Variants in INSL6 observed in about 807,000 individuals in gnomAD.
The protein encoded by INSL6 is insulin like 6.
INSL6 carries 16 observed loss-of-function variants against 9.4 expected under a neutral mutation model. The observed-to-expected ratio is 1.70, with a 90% confidence interval of 1.15 to 2.59. The LOEUF is 2.59. INSL6 is among the 30% of genes most tolerant of loss of function. The pLI, the probability that INSL6 is intolerant of heterozygous loss-of-function variation, is 0.00. For synonymous variants in INSL6, 154 were observed against 96.9 expected (o/e 1.59, Z -3.46); for missense variants, 391 against 257.3 (o/e 1.52, Z -3.56).
the INSL6 span, chr9:5,089,831 T>G: frequency 1.3e-6 from 2 of 1,584,858 alleles, no homozygotes; most frequent in Non-Finnish European, 1.7e-6. Context: ...CATGACAACA[T>G]TGTAAAGTAC....
chr9:4,993,714 G>C, the INSL6 span, among the ~76,000 whole-genome samples: 27 of 152,270 alleles, frequency 1.8e-4, 1 homozygote, highest in East Asian at 4.4e-3. Context: ...TTACATGTGT[G>C]AACACAAAGG....
At chr9:5,098,431 A>G in the INSL6 span, 1 of 152,112 alleles carries the variant, frequency 6.6e-6, no homozygotes, top group East Asian at 1.9e-4. Context: ...TCTTATAATT[A>G]TTTTCCTAAT....
At chr9:5,080,176 G>A in the INSL6 span, 2 of 1,312,530 alleles carry the variant, frequency 1.5e-6, no homozygotes, top group South Asian at 1.5e-5. Context: ...ACATATAAAA[G>A]ATTGGTTTAC....
chr9:5,118,123 T>G, the INSL6 span, among the ~76,000 whole-genome samples: 5 of 152,220 alleles, frequency 3.3e-5, no homozygotes, highest in Admixed American at 6.5e-5. Context: ...ACCTCGCCAC[T>G]GCACTCCAGC....
the INSL6 span, chr9:5,081,620 A>G: frequency 1.4e-6 from 1 of 710,100 alleles, no homozygotes; most frequent in Admixed American, 2.6e-5. Flanking sequence ...TGTATCATTT[A>G]GTATTTTTAA....
chr9:5,068,371 A>G, the INSL6 span, among the ~76,000 whole-genome samples: 2 of 152,146 alleles, frequency 1.3e-5, no homozygotes, highest in African/African-American at 4.8e-5. Flanking sequence ...AAAATGTAAT[A>G]TTAAAGATAA....
the INSL6 span, among the ~76,000 whole-genome samples, chr9:5,058,624 C>T: frequency 7.9e-5 from 12 of 152,166 alleles, no homozygotes; most frequent in African/African-American, 2.9e-4. Flanking sequence ...TTTAGGGAGC[C>T]ACCATGCTGT....
chr9:5,107,789 C>T, the INSL6 span: 1 of 152,050 alleles, frequency 6.6e-6, no homozygotes, highest in Non-Finnish European at 1.5e-5. Context: ...TTTAAATATA[C>T]ATTTTACTCT....
At chr9:5,125,793 A>C (rs973011091) in intron 3 of INSL6, among the ~76,000 whole-genome samples, 7 of 125,554 alleles carry the variant, frequency 5.6e-5, no homozygotes, top group African/African-American at 2.2e-4. Context: ...TATGTGAATT[A>C]TCTCTTCTGT....
chr9:5,110,079 C>A, the INSL6 span: 1 of 152,152 alleles, frequency 6.6e-6, no homozygotes, highest in Non-Finnish European at 1.5e-5. Flanking sequence ...CATTCTAAAC[C>A]CTACCTCTAA....
chr9:5,128,386 G>GTTTAA (rs1297032218), intron 3 of INSL6, among the ~76,000 whole-genome samples: 1 of 151,680 alleles, frequency 6.6e-6, no homozygotes, highest in Admixed American at 6.6e-5. Context: ...TTTTTTGAAA[G>GTTTAA]TTTAATTTTT....
chr9:5,004,604 G>A, the INSL6 span, among the ~76,000 whole-genome samples: 1 of 152,174 alleles, frequency 6.6e-6, no homozygotes, highest in Admixed American at 6.5e-5. Context: ...GCATGGGAGT[G>A]TAGATATTGC....
At chr9:5,073,592 G>C in the INSL6 span, 2 of 830,766 alleles carry the variant, frequency 2.4e-6, no homozygotes, top group Non-Finnish European at 2.0e-6. Context: ...CTATAGTCAT[G>C]CTGAAAGTAG....
At chr9:4,992,024 C>G in the INSL6 span, among the ~76,000 whole-genome samples, 1 of 152,162 alleles carries the variant, frequency 6.6e-6, no homozygotes, top group African/African-American at 2.4e-5. Flanking sequence ...TACCATGGGT[C>G]AGTAATTGAG....
chr9:5,114,278 C>A, the INSL6 span: 2 of 544,564 alleles, frequency 3.7e-6, no homozygotes, highest in Middle Eastern at 7.2e-4. Flanking sequence ...TGGCACCCAG[C>A]AAGGAGAACG....
At chr9:5,012,822 A>T in the INSL6 span, among the ~76,000 whole-genome samples, 2 of 152,182 alleles carry the variant, frequency 1.3e-5, no homozygotes, top group Non-Finnish European at 2.9e-5. Flanking sequence ...CAGCAAACAG[A>T]TAATGGAATT....
At chr9:5,159,650 A>G (rs1824883048), downstream of INSL6, among the ~76,000 whole-genome samples, 1 of 152,236 alleles carries the variant, frequency 6.6e-6, no homozygotes. Flanking sequence ...AGACGTATAA[A>G]GCAAACATTG....
intron 1 of INSL6, among the ~76,000 whole-genome samples, chr9:5,176,983 AT>A (rs139556637): frequency 1.5e-3 from 232 of 152,344 alleles, no homozygotes; most frequent in African/African-American, 5.4e-3. Context: ...AAAAGTTTCC[AT>A]AAAGAAAACT....
chr9:5,137,822 T>A (rs1319193109), intron 2 of INSL6, among the ~76,000 whole-genome samples: 1 of 151,762 alleles, frequency 6.6e-6, no homozygotes, highest in Non-Finnish European at 1.5e-5. Context: ...TGGGAAAAAA[T>A]TTTTGCAATC....
Sources: allele counts gnomAD v4.1 joint callset (sites outside exome capture counted in the v4.1 genomes callset), GRCh38; gene constraint gnomAD v4.1.1; transcripts MANE v1.5; gene names NCBI Gene and HGNC (gene_info 2026-07-23, HGNC 2026-07-21).